LARP4B: variants seen among roughly 807,000 people sequenced by gnomAD.
LARP4B encodes the protein La ribonucleoprotein 4B, also known as la-related protein 4B.
Under a neutral mutation model 89.8 loss-of-function variants are expected in LARP4B, and 12 were observed. That is an observed-to-expected ratio of 0.13 (90% CI 0.09 to 0.22). LARP4B has a LOEUF of 0.22. Ranked by LOEUF, LARP4B falls within the 10% of genes least tolerant of loss-of-function variation. The probability of loss-of-function intolerance (pLI) is 1.00; values close to 1 mark genes in which losing one functional copy is unlikely to be tolerated. For missense variants in LARP4B, 757 were observed against 947.7 expected, an observed-to-expected ratio of 0.80 and a Z score of 2.64; for synonymous variants, 367 against 363.3, an observed-to-expected ratio of 1.01 and a Z score of -0.12.
At chr10:863,953 C>T (rs2131842805) in intron 4 of LARP4B, 70 bp from the exon 5 acceptor site, 3 of 1,567,452 alleles carry the variant, frequency 1.9e-6, no homozygotes, top group African/African-American at 1.4e-5. Context: ...AAAGCTTACA[C>T]TTGCAGTGAC....
intron 8 of LARP4B, among the ~76,000 whole-genome samples, chr10:833,342 CTGGGCGGCA>C (rs1379874599): frequency 6.7e-6 from 1 of 148,830 alleles, no homozygotes; most frequent in Non-Finnish European, 1.5e-5. Flanking sequence ...CAAAGCCGTC[CTGGGCGGCA>C]TGCCGCCCAC....
At chr10:938,805 T>C in the LARP4B span, among the ~76,000 whole-genome samples, 1 of 152,208 alleles carries the variant, frequency 6.6e-6, no homozygotes, top group Non-Finnish European at 1.5e-5. Context: ...GCAATTTGTC[T>C]GTAAACTTGT....
chr10:894,445 A>G (rs1287547611), intron 1 of LARP4B, among the ~76,000 whole-genome samples: 1 of 152,236 alleles, frequency 6.6e-6, no homozygotes, highest in Non-Finnish European at 1.5e-5. Context: ...CACAGAATTA[A>G]AAAGCCTTAA....
the LARP4B span, among the ~76,000 whole-genome samples, chr10:965,119 G>C: frequency 6.6e-6 from 1 of 152,214 alleles, no homozygotes; most frequent in Non-Finnish European, 1.5e-5. Flanking sequence ...GCACCCGCCT[G>C]CCTGTGGTCC....
chr10:884,461 G>A lies in LARP4B; in HGVS notation c.127C>T (p.Pro43Ser). 6.2e-7 allele frequency: 1 copy of A among 1,605,530 alleles called. No homozygotes were observed. The highest frequency in any genetic ancestry group is 1.1e-5 in the South Asian group (1 of 90,850). The change falls in exon 3 of 18, where the codon CCA (proline) becomes TCA (serine). Residue 43 changes from proline (P) to serine (S), a missense_variant. By Grantham distance (74) the Pro-to-Ser change is moderately conservative (BLOSUM62 -1). Coordinates refer to ENST00000316157, the MANE Select transcript of LARP4B (RefSeq NM_015155.3). ...AATTGAATTACCTGACTCAAAGGTGGGATGGAACTTGTCTGAGAAGTGGTT... is the reference window on the plus strand; with the variant it reads ...AATTGAATTACCTGACTCAAAGGTGAGATGGAACTTGTCTGAGAAGTGGTT... The part of the protein sequence containing the change: ...SQTTSQTSSI[P>S]PLSQVPATKV...
In LARP4B at chr10:813,002, C is replaced by T. The variant is rs751252926; in HGVS notation, c.2141G>A (p.Gly714Glu). 8.8e-6 allele frequency: 14 copies of T among 1,592,584 alleles called. No individual in the cohort carries two copies. Among genetic ancestry groups the T allele is most frequent in the South Asian group, 6.9e-5 (6 of 87,242 alleles). The change falls in exon 18 of 18, where the codon GGG (glycine) becomes GAG (glutamate). Residue 714 changes from glycine (G) to glutamate (E), a missense_variant. By Grantham distance (98) the Gly-to-Glu change is moderately conservative. This residue lies in a region of LARP4B where 387 missense variants were observed against 423.6 expected (regional missense o/e 0.91). Transcript: ENST00000316157. ...GAPRDQRRPA[G>E]GRPSPSAMGK... is the part of the protein sequence containing the mutation. Reference sequence around the variant, plus strand: ...CATGGCCGAGGGCGAGGGCCGGCCCCCCGCCGGCCGCCTCTGGTCTCTGGG... The same window carrying T: ...CATGGCCGAGGGCGAGGGCCGGCCCTCCGCCGGCCGCCTCTGGTCTCTGGG...
intron 7 of LARP4B, among the ~76,000 whole-genome samples, chr10:839,800 A>C (rs567678246): frequency 1.3e-5 from 2 of 152,268 alleles, no homozygotes; most frequent in African/African-American, 4.8e-5. Context: ...GTGGCTATTT[A>C]CCCAAGAGAG....
At chr10:823,227 C>T (rs1832446591) in intron 13 of LARP4B, among the ~76,000 whole-genome samples, 1 of 152,098 alleles carries the variant, frequency 6.6e-6, no homozygotes, top group Admixed American at 6.5e-5. Context: ...AAACCACTCC[C>T]TGCCCACCGT....
intron 11 of LARP4B, 41 bp downstream of exon 11, chr10:829,344 T>C (rs1365478972): frequency 6.8e-7 from 1 of 1,481,468 alleles, no homozygotes; most frequent in Non-Finnish European, 9.1e-7. Flanking sequence ...TTATCTAGCA[T>C]AGTGTCTACA....
intron 8 of LARP4B, among the ~76,000 whole-genome samples, chr10:832,815 A>T (rs1832979083): frequency 6.6e-6 from 1 of 152,266 alleles, no homozygotes; most frequent in African/African-American, 2.4e-5. Context: ...AAGACATGCT[A>T]AAGGAATGTC....
At chr10:958,356 C>T in the LARP4B span, among the ~76,000 whole-genome samples, 1 of 152,214 alleles carries the variant, frequency 6.6e-6, no homozygotes, top group Non-Finnish European at 1.5e-5. Flanking sequence ...CCCGTGAAAG[C>T]ACCTTGTTCC....
intron 5 of LARP4B, among the ~76,000 whole-genome samples, chr10:850,701 A>G (rs1400815148): frequency 1.3e-5 from 2 of 152,220 alleles, no homozygotes; most frequent in African/African-American, 4.8e-5. Flanking sequence ...ATTTAACAAG[A>G]CAGCCCATAT....
the LARP4B span, among the ~76,000 whole-genome samples, chr10:981,819 G>A: frequency 2.0e-5 from 3 of 151,850 alleles, no homozygotes; most frequent in African/African-American, 4.8e-5. Flanking sequence ...CACCTGCCTC[G>A]GCCTCCCAAA....
chr10:876,793 G>A (rs984743813), intron 3 of LARP4B, among the ~76,000 whole-genome samples: 1 of 152,184 alleles, frequency 6.6e-6, no homozygotes, highest in African/African-American at 2.4e-5. Context: ...CATTGCCCGA[G>A]TACAGGCTCT....
intron 12 of LARP4B, among the ~76,000 whole-genome samples, 155 bp downstream of exon 12, chr10:825,609 C>G (rs1481785917): frequency 6.6e-6 from 1 of 152,232 alleles, no homozygotes; most frequent in African/African-American, 2.4e-5. Context: ...GGCACCCATG[C>G]CAGATTGTAG....
chr10:828,872 A>G (rs1832753845), intron 11 of LARP4B, among the ~76,000 whole-genome samples: 1 of 152,226 alleles, frequency 6.6e-6, no homozygotes, highest in African/African-American at 2.4e-5. Flanking sequence ...AGCAGCACAC[A>G]AAGAGACAAT....
the LARP4B span, chr10:971,219 TTTCC>T: frequency 6.6e-6 from 1 of 152,196 alleles, no homozygotes; most frequent in Non-Finnish European, 1.5e-5. Flanking sequence ...AAAAGAAACT[TTTCC>T]TTCCTTTTTG....
At chr10:866,242 G>A (rs1834893660) in intron 3 of LARP4B, among the ~76,000 whole-genome samples, 1 of 151,784 alleles carries the variant, frequency 6.6e-6, no homozygotes, top group Admixed American at 6.6e-5. Context: ...GCAAATTATT[G>A]GGTTCCTTCA....
intron 1 of LARP4B, among the ~76,000 whole-genome samples, chr10:913,171 T>C (rs12264390): frequency 0.2 from 29,658 of 152,088 alleles, 3,116 homozygotes; most frequent in Non-Finnish European, 0.23. Flanking sequence ...TTTAGGGTTG[T>C]CTAGCAATCT....
Sources: gnomAD v4.1 joint callset for allele counts (sites outside exome capture counted in the v4.1 genomes callset) on GRCh38, gnomAD v4.1.1 for gene constraint, gnomAD v4.1.1 regional missense constraint, MANE v1.5 for transcripts, NCBI Gene and HGNC (gene_info 2026-07-23, HGNC 2026-07-21) for gene names.